PRKN: variants seen among roughly 807,000 people sequenced by gnomAD.
PRKN encodes the protein parkin RBR E3 ubiquitin protein ligase, also known as E3 ubiquitin-protein ligase parkin.
Under a neutral mutation model 59.5 loss-of-function variants are expected in PRKN, and 56 were observed. The observed-to-expected ratio is 0.94, with a 90% CI of 0.76 to 1.18. The LOEUF is 1.18. PRKN is among the 50% of genes most tolerant of loss of function. PRKN has a pLI of 0.00. For synonymous variants in PRKN, 250 were observed against 222.1 expected (o/e 1.13, Z -1.12); for missense variants, 657 against 596.4 (o/e 1.10, Z -1.06).
At chr6:162,059,542 T>C (rs1351896258) in intron 4 of PRKN, among the ~76,000 whole-genome samples, 1 of 152,170 alleles carries the variant, frequency 6.6e-6, no homozygotes, top group Non-Finnish European at 1.5e-5. Flanking sequence ...TTAATAGTTT[T>C]TAAATAGTAG....
chr6:162,461,718 C>T (rs548598206), intron 1 of PRKN, among the ~76,000 whole-genome samples: 2 of 149,958 alleles, frequency 1.3e-5, no homozygotes, highest in South Asian at 2.1e-4. Flanking sequence ...CTACTCGGGG[C>T]GGGGGGCTGA....
At chr6:161,948,050 A>T (rs547370726) in intron 6 of PRKN, among the ~76,000 whole-genome samples, 67 of 151,804 alleles carry the variant, frequency 4.4e-4, no homozygotes, top group African/African-American at 1.5e-3. Flanking sequence ...CAATGGTGTG[A>T]TCTTGGCTCA....
At chr6:161,960,352 C>T (rs1443233920) in intron 6 of PRKN, among the ~76,000 whole-genome samples, 9 of 152,204 alleles carry the variant, frequency 5.9e-5, no homozygotes, top group Admixed American at 3.3e-4. Context: ...ATTGGAAAGA[C>T]GGCTGGAGAC....
At chr6:161,831,929 G>C (rs1792514720) in intron 6 of PRKN, among the ~76,000 whole-genome samples, 1 of 152,254 alleles carries the variant, frequency 6.6e-6, no homozygotes, top group African/African-American at 2.4e-5. Context: ...CAAATGACTG[G>C]GGAGCCACAA....
Position 161,498,936 on chromosome 6 carries a change from T to C in PRKN, c.1083+49918A>G, listed in dbSNP as rs188773924. 1.6e-3 allele frequency among the ~76,000 whole-genome samples: 238 copies of C among 149,372 alleles called. No homozygotes were observed. The highest frequency in any genetic ancestry group is 6.0e-3 in the African/African-American group (232 of 38,834). On this transcript the variant is annotated intron_variant, in intron 9 of 11. Transcript: ENST00000366898. This position sits in a 1 kb window ranked among gnomAD's most constrained non-coding sequence, Gnocchi z 4.2. ...AAGAGTGAGATGGGGTGAGTGTGTG[T>C]GTATGGGGATGGGGGAGGATTGAGA... is the stretch of plus-strand genomic sequence containing the variant.
At chr6:162,140,577 G>A (rs1275182593) in intron 4 of PRKN, among the ~76,000 whole-genome samples, 1 of 152,148 alleles carries the variant, frequency 6.6e-6, no homozygotes, top group Non-Finnish European at 1.5e-5. Flanking sequence ...GGGGAATGGT[G>A]TTATTTTCGT....
chr6:161,399,000 CT>C (rs763078138), intron 9 of PRKN, among the ~76,000 whole-genome samples: 1 of 152,162 alleles, frequency 6.6e-6, no homozygotes, highest in African/African-American at 2.4e-5. Context: ...TCATGCCCCC[CT>C]ATCCTGTCCC....
chr6:161,633,604 T>C (rs958349764), intron 7 of PRKN, among the ~76,000 whole-genome samples: 4 of 152,246 alleles, frequency 2.6e-5, no homozygotes, highest in Non-Finnish European at 5.9e-5. Context: ...TGGAATAAGA[T>C]AGCTGGCACA....
intron 1 of PRKN, among the ~76,000 whole-genome samples, chr6:162,467,315 A>G (rs1791469879): frequency 6.6e-6 from 1 of 152,162 alleles, no homozygotes. Context: ...ATAAGAATGA[A>G]TGTGTAGTAT....
At chr6:161,570,124 T>TAAAAAAAA (rs55699586) in intron 7 of PRKN, among the ~76,000 whole-genome samples, 5 of 51,398 alleles carry the variant, frequency 9.7e-5, no homozygotes, top group Non-Finnish European at 1.0e-4. Context: ...AGTAAATAGG[T>TAAAAAAAA]AAAAAAAAAA....
intron 2 of PRKN, among the ~76,000 whole-genome samples, chr6:162,298,205 G>T (rs1781770472): frequency 6.6e-6 from 1 of 151,762 alleles, no homozygotes; most frequent in Admixed American, 6.6e-5. Flanking sequence ...AATTGACTGG[G>T]GCTTCCCTCC....
At chr6:162,367,068 T>G (rs185422003) in intron 2 of PRKN, among the ~76,000 whole-genome samples, 1 of 151,744 alleles carries the variant, frequency 6.6e-6, no homozygotes, top group South Asian at 2.1e-4. Flanking sequence ...CGGTGGGAGG[T>G]AGTTGAATCC....
chr6:162,592,950 A>G (rs563768423), intron 1 of PRKN, among the ~76,000 whole-genome samples: 8 of 152,000 alleles, frequency 5.3e-5, no homozygotes, highest in Non-Finnish European at 8.8e-5. Flanking sequence ...AGCCCACAGG[A>G]CATAACCTTT....
intron 3 of PRKN, among the ~76,000 whole-genome samples, chr6:162,210,325 G>C (rs1282762322): frequency 6.6e-6 from 1 of 151,906 alleles, no homozygotes; most frequent in Non-Finnish European, 1.5e-5. Context: ...AATAATAATG[G>C]AGGTGAGGCA....
At chr6:161,375,044 G>A (rs1785633743) in intron 10 of PRKN, among the ~76,000 whole-genome samples, 1 of 152,118 alleles carries the variant, frequency 6.6e-6, no homozygotes, top group South Asian at 2.1e-4. Flanking sequence ...AAGACTCAGG[G>A]GACCCGCAGG....
At chr6:161,627,608 A>G (rs960295372) in intron 7 of PRKN, among the ~76,000 whole-genome samples, 2 of 152,254 alleles carry the variant, frequency 1.3e-5, no homozygotes, top group African/African-American at 4.8e-5. Flanking sequence ...GGTGGAACCC[A>G]CACCAAAAGA....
intron 1 of PRKN, among the ~76,000 whole-genome samples, chr6:162,605,895 A>G (rs2128217936): frequency 6.6e-6 from 1 of 152,302 alleles, no homozygotes; most frequent in African/African-American, 2.4e-5. Context: ...ATTTAAGCCA[A>G]CTATTTAGAC....
At chr6:162,720,890 A>G (rs1430863191) in intron 1 of PRKN, among the ~76,000 whole-genome samples, 1 of 152,248 alleles carries the variant, frequency 6.6e-6, no homozygotes, top group African/African-American at 2.4e-5. Context: ...GAAACTATAA[A>G]TAGAACCCTA....
intron 7 of PRKN, among the ~76,000 whole-genome samples, chr6:161,732,356 G>T (rs1454829461): frequency 1.3e-5 from 2 of 151,918 alleles, no homozygotes; most frequent in Non-Finnish European, 2.9e-5. Context: ...TAAACTAACA[G>T]GTACTTTTTC....
Sources: allele counts gnomAD v4.1 joint callset (sites outside exome capture counted in the v4.1 genomes callset), GRCh38; gene constraint gnomAD v4.1.1; non-coding constraint Gnocchi (gnomAD v3.1); transcripts MANE v1.5; gene names NCBI Gene and HGNC (gene_info 2026-07-23, HGNC 2026-07-21).